Variants in PPARGC1B observed in about 807,000 individuals in gnomAD.
The protein encoded by PPARGC1B is peroxisome proliferator-activated receptor gamma coactivator 1-beta.
In PPARGC1B, 34 loss-of-function variants were observed where a neutral mutation model predicts 101.6. The ratio of observed to expected loss-of-function variants is 0.33; its 90% CI spans 0.25 to 0.45. The LOEUF (loss-of-function observed/expected upper bound fraction) is 0.45, where lower values mean the gene tolerates loss of function less well. Ranked by LOEUF, PPARGC1B falls within the 20% of genes least tolerant of loss-of-function variation. The probability of loss-of-function intolerance (pLI) is 1.00; values close to 1 mark genes in which losing one functional copy is unlikely to be tolerated. For missense variants in PPARGC1B, 1,234 were observed against 1,317.6 expected (o/e 0.94, Z 0.98); for synonymous variants, 548 against 539.3 (o/e 1.02, Z -0.22).
intron 6 of PPARGC1B, 61 bp from the exon 7 acceptor site, chr5:149,835,240 G>C: frequency 6.7e-7 from 1 of 1,482,050 alleles, no homozygotes; most frequent in Non-Finnish European, 9.4e-7. Context: ...TTCATGGGCG[G>C]GGAGGTGGAT....
chr5:149,828,139 C>T (rs1315979685), intron 3 of PPARGC1B, among the ~76,000 whole-genome samples: 1 of 152,216 alleles, frequency 6.6e-6, no homozygotes, highest in Non-Finnish European at 1.5e-5. Flanking sequence ...GTATTCACTC[C>T]TAGTCTAGGA....
intron 1 of PPARGC1B, among the ~76,000 whole-genome samples, chr5:149,788,875 A>G (rs549817993): frequency 1.3e-5 from 2 of 152,248 alleles, no homozygotes; most frequent in Admixed American, 1.3e-4. Flanking sequence ...GAATTGAACA[A>G]TGAGAACACT....
At chr5:149,829,813 A>G (rs923321086) in intron 3 of PPARGC1B, among the ~76,000 whole-genome samples, 4 of 152,072 alleles carry the variant, frequency 2.6e-5, no homozygotes, top group Non-Finnish European at 4.4e-5. Flanking sequence ...AGGCGGGCAG[A>G]TCGCTTAAGG....
In PPARGC1B at chr5:149,840,037, A is replaced by G. The variant is rs776912707; in HGVS notation, c.2619-4A>G. ...GTGCCTCTGCTTTGCTTGTTCACTG[A>G]CAGATGTGAGAGCAGAGGGCCGTGT... is the stretch of plus-strand genomic sequence containing the variant. On this transcript the variant is annotated splice_polypyrimidine_tract_variant and splice_region_variant and intron_variant, in intron 8 of 11. Coordinates refer to ENST00000309241, the MANE Select transcript of PPARGC1B (RefSeq NM_133263.4). 1 of 1,614,020 alleles carries G rather than the reference A, an allele frequency of 6.2e-7. No homozygotes were observed. Among genetic ancestry groups the G allele is most frequent in the African/African-American group, 1.3e-5 (1 of 75,018 alleles).
At chr5:149,747,328 T>G (rs1333975498) in intron 1 of PPARGC1B, among the ~76,000 whole-genome samples, 1 of 152,232 alleles carries the variant, frequency 6.6e-6, no homozygotes, top group Non-Finnish European at 1.5e-5. Flanking sequence ...GAATGTGTCT[T>G]GAATGAGTGA....
chr5:149,824,272 G>A (rs1314479378), intron 2 of PPARGC1B, among the ~76,000 whole-genome samples: 1 of 152,140 alleles, frequency 6.6e-6, no homozygotes, highest in Non-Finnish European at 1.5e-5. Context: ...TTCTCAGTTC[G>A]TGCAGTGCTG....
intron 1 of PPARGC1B, among the ~76,000 whole-genome samples, chr5:149,816,179 G>T (rs553300903): frequency 9.3e-4 from 142 of 152,364 alleles, no homozygotes; most frequent in African/African-American, 3.2e-3. Flanking sequence ...ATGGTTTTTA[G>T]CTAGAGAGTG....
At chr5:149,737,258 T>C (rs1754751940) in intron 1 of PPARGC1B, among the ~76,000 whole-genome samples, 1 of 152,204 alleles carries the variant, frequency 6.6e-6, no homozygotes, top group Non-Finnish European at 1.5e-5. Context: ...TCTCCGGTAT[T>C]TTAAAATTAA....
chr5:149,830,441 T>C (rs975844620), intron 3 of PPARGC1B, among the ~76,000 whole-genome samples: 4 of 152,120 alleles, frequency 2.6e-5, no homozygotes, highest in African/African-American at 9.7e-5. Flanking sequence ...CCAATAAAAC[T>C]GTATCATAAT....
chr5:149,743,735 A>C (rs920147214), intron 1 of PPARGC1B, among the ~76,000 whole-genome samples: 1 of 152,156 alleles, frequency 6.6e-6, no homozygotes, highest in Non-Finnish European at 1.5e-5. Flanking sequence ...ACAAGGAGTC[A>C]CCTGCCCTTG....
At chr5:149,815,874 G>A (rs150782499) in intron 1 of PPARGC1B, among the ~76,000 whole-genome samples, 27 of 152,258 alleles carry the variant, frequency 1.8e-4, no homozygotes, top group African/African-American at 3.4e-4. Flanking sequence ...ATGACTTGCC[G>A]ACATGGGGAC....
chr5:149,740,464 CAG>C (rs1407541120), intron 1 of PPARGC1B, among the ~76,000 whole-genome samples: 1 of 152,156 alleles, frequency 6.6e-6, no homozygotes, highest in African/African-American at 2.4e-5. Context: ...GTTCTTCTTG[CAG>C]AGTGTTTTTT....
chr5:149,809,758 C>T (rs1219743863), intron 1 of PPARGC1B, among the ~76,000 whole-genome samples: 4 of 135,588 alleles, frequency 3.0e-5, no homozygotes, highest in Admixed American at 2.9e-4. Context: ...AATTTAAAAA[C>T]ATACTGATAA....
At chr5:149,763,151 TCCCCACTCTGGCCCTGCAGCCTC>T (rs2113159809) in intron 1 of PPARGC1B, among the ~76,000 whole-genome samples, 1 of 129,494 alleles carries the variant, frequency 7.7e-6, no homozygotes, top group East Asian at 2.3e-4. Flanking sequence ...GCAACTTCCC[TCCCCACTCTGGCCCTGCAGCCTC>T]GCTTGCTCCC....
In PPARGC1B at chr5:149,773,476, C is replaced by T. The variant is rs560904393; in HGVS notation, c.78+43056C>T. ...CGTGGGCAGGAGTGGGGCAAGGCAG[C>T]GTCTACTCTTAGGTGTGTCTCAGCC... On this transcript the variant is annotated intron_variant, in intron 1 of 11. Coordinates refer to ENST00000309241, the MANE Select transcript of PPARGC1B (RefSeq NM_133263.4). 1.3e-4 allele frequency among the ~76,000 whole-genome samples: 20 copies of T among 152,366 alleles called. 1 individual carries two copies. The South Asian group carries it at 3.1e-3, about 24-fold the overall frequency.
intron 1 of PPARGC1B, among the ~76,000 whole-genome samples, chr5:149,767,603 T>C (rs1755959741): frequency 1.3e-5 from 2 of 152,186 alleles, no homozygotes; most frequent in Admixed American, 1.3e-4. Context: ...CCTTCCCAAG[T>C]AAGAAAGCCT....
chr5:149,777,769 A>G (rs542704817), intron 1 of PPARGC1B, among the ~76,000 whole-genome samples: 1 of 147,874 alleles, frequency 6.8e-6, no homozygotes, highest in South Asian at 2.1e-4. Context: ...GTAGAGATTT[A>G]AAAACTGTCT....
chr5:149,842,388 C>T lies in PPARGC1B; in HGVS notation c.2816+11C>T, dbSNP rs45467099. The T allele has an allele frequency of 2.6e-3, 4,151 of 1,612,212 alleles. 90 individuals carry two copies. The African/African-American group carries it at 0.045, about 18-fold the overall frequency. On this transcript the variant is annotated intron_variant, in intron 10 of 11. Transcript: ENST00000309241. ...GACAAGAAATAGGAGGTGAGTTGAA[C>T]CAAGCCATGGCAAATGAAGGGAGCA...
intron 1 of PPARGC1B, among the ~76,000 whole-genome samples, chr5:149,775,370 C>T (rs1164743678): frequency 1.3e-5 from 2 of 152,168 alleles, no homozygotes; most frequent in African/African-American, 4.8e-5. Context: ...AACTTCTTTC[C>T]CTTCACAGAG....
Sources: allele counts gnomAD v4.1 joint callset (sites outside exome capture counted in the v4.1 genomes callset), GRCh38; gene constraint gnomAD v4.1.1; transcripts MANE v1.5; gene names NCBI Gene and HGNC (gene_info 2026-07-23, HGNC 2026-07-21).